Variants in GNL3L observed in about 807,000 individuals in gnomAD.
GNL3L encodes guanine nucleotide-binding protein-like 3-like protein.
In GNL3L, 4 loss-of-function variants were observed where a neutral mutation model predicts 42.9. The observed-to-expected ratio is 0.09, with a 90% CI of 0.05 to 0.21. The LOEUF (loss-of-function observed/expected upper bound fraction) is 0.21, where lower values mean the gene tolerates loss of function less well. GNL3L is among the 10% of genes least tolerant of loss of function. The probability of loss-of-function intolerance (pLI) is 1.00; values close to 1 mark genes in which losing one functional copy is unlikely to be tolerated. For synonymous variants in GNL3L, 159 were observed against 176.3 expected, an observed-to-expected ratio of 0.90 and a Z score of 0.78; for missense variants, 412 against 481.7, an observed-to-expected ratio of 0.86 and a Z score of 1.36.
At chrX:54,552,493 A>C in intron 13 of GNL3L, 65 bp downstream of exon 13, 1 of 1,073,585 alleles carries the variant, frequency 9.3e-7, no homozygotes, top group Non-Finnish European at 1.3e-6. Flanking sequence ...CCTGACAGCA[A>C]ATCCCACTTT....
At chrX:54,632,283 G>A in the GNL3L span, among the ~76,000 whole-genome samples, 2 of 111,597 alleles carry the variant, frequency 1.8e-5, no homozygotes, top group Non-Finnish European at 3.8e-5. Flanking sequence ...TTTCCCAAGT[G>A]TTCTTTGAGT....
rs202012678 is a variant in GNL3L at position 54,548,215 on chromosome X, A to AT, written c.631-5dup. 1.6e-4 allele frequency: 184 copies of AT among 1,173,332 alleles called. No individual in the cohort carries two copies. Among genetic ancestry groups the AT allele is most frequent in the Middle Eastern group, 2.4e-4 (1 of 4,116 alleles). The stretch of plus-strand genomic sequence containing the variant: ...CCTGATGTCTCTTCTGTGATATTCA[A>AT]TTTTTTTTTCCAGAATCGTTGCAGT... On this transcript the variant is annotated splice_polypyrimidine_tract_variant and intron_variant, in intron 8 of 15. Coordinates refer to ENST00000360845, the MANE Select transcript of GNL3L (RefSeq NM_001184819.2).
At chrX:54,532,106 A>G (rs1233239311) in intron 1 of GNL3L, among the ~76,000 whole-genome samples, 5 of 110,657 alleles carry the variant, frequency 4.5e-5, no homozygotes, top group Admixed American at 9.6e-5. Context: ...AAGAGGCACT[A>G]TTATCACCCC....
intron 16 of GNL3L, among the ~76,000 whole-genome samples, chrX:54,598,281 A>T (rs1925961643): frequency 9.0e-6 from 1 of 111,237 alleles, no homozygotes; most frequent in African/African-American, 3.3e-5. Context: ...ATTTTCTCTG[A>T]GGAGGAGTAT....
Position 54,619,912 on chromosome X carries a change from G to A in GNL3L, c.*46-933G>A, listed in dbSNP as rs749132986. The stretch of plus-strand genomic sequence containing the variant: ...TGCTGTTCACTAGCAGAAACATTAA[G>A]GCCCCAGGTTTTTTCCACCTTTCCA... On this transcript the variant is annotated intron_variant, in intron 16 of 16. Coordinates refer to the GNL3L transcript ENST00000674498. Among the ~76,000 whole-genome samples, 283 of 111,599 alleles carry A rather than the reference G, an allele frequency of 2.5e-3. 1 individual carries two copies. Among genetic ancestry groups the A allele is most frequent in the African/African-American group, 8.6e-3 (265 of 30,737 alleles).
chrX:54,602,144 A>G (rs1291147141), intron 16 of GNL3L, among the ~76,000 whole-genome samples: 1 of 111,384 alleles, frequency 9.0e-6, no homozygotes, highest in Non-Finnish European at 1.9e-5. Context: ...GTTTAAGTTT[A>G]TAAGGAACTG....
At chrX:54,548,179 C>G (rs1247118248) in intron 8 of GNL3L, 50 bp from the exon 9 acceptor site, 7 of 1,115,555 alleles carry the variant, frequency 6.3e-6, no homozygotes, top group Non-Finnish European at 8.6e-6. Flanking sequence ...GGGCTCAGAC[C>G]TCATCTGCCA....
In GNL3L at chrX:54,563,783, CAG is replaced by C. The variant is rs763496318; in HGVS notation, c.*3182_*3183del. On this transcript the variant is annotated 3_prime_UTR_variant, in exon 16 of 16. Transcript: ENST00000360845. ...CGTGGGCAACAGAGTGAGACTGTCT[CAG>C]GGGGAAAAAAAAAGAGGAAAACAAA... is the stretch of plus-strand genomic sequence containing the variant. Among the ~76,000 whole-genome samples, 74 of 109,910 alleles carry C rather than the reference CAG, an allele frequency of 6.7e-4. No individual in the cohort carries two copies. Among genetic ancestry groups the C allele is most frequent in the African/African-American group, 2.1e-3 (63 of 30,217 alleles).
the GNL3L span, among the ~76,000 whole-genome samples, chrX:54,630,174 C>G: frequency 9.2e-6 from 1 of 108,371 alleles, no homozygotes; most frequent in African/African-American, 3.4e-5. Context: ...CATTAATGGT[C>G]TATCAATTTT....
intron 14 of GNL3L, among the ~76,000 whole-genome samples, chrX:54,557,808 C>T (rs1337221730): frequency 9.0e-6 from 1 of 111,080 alleles, no homozygotes; most frequent in African/African-American, 3.3e-5. Flanking sequence ...TCTCAAACTC[C>T]TGGGCTCAAG....
intron 16 of GNL3L, among the ~76,000 whole-genome samples, chrX:54,613,785 T>C (rs1274813144): frequency 1.8e-5 from 2 of 110,658 alleles, no homozygotes; most frequent in Non-Finnish European, 3.8e-5. Context: ...CTCTCAGCTG[T>C]GTATACCAGC....
At chrX:54,536,809 AGAGG>A (rs1188272626) in intron 2 of GNL3L, among the ~76,000 whole-genome samples, 1,856 of 89,695 alleles carry the variant, frequency 0.021, 62 homozygotes, top group African/African-American at 0.072. Context: ...ACAGAGAGAG[AGAGG>A]GAGGGAGGGA....
intron 10 of GNL3L, among the ~76,000 whole-genome samples, chrX:54,551,272 C>T (rs1017232533): frequency 2.7e-5 from 3 of 112,439 alleles, no homozygotes; most frequent in Non-Finnish European, 5.6e-5. Context: ...TTCTGAATAA[C>T]GATGCAAGAT....
intron 16 of GNL3L, among the ~76,000 whole-genome samples, chrX:54,579,986 GTTTT>G (rs869217575): frequency 4.2e-5 from 2 of 47,680 alleles, no homozygotes; most frequent in African/African-American, 9.8e-5. Context: ...CCTAAAGTTT[GTTTT>G]TTTTTTTTTT....
chrX:54,576,044 A>G (rs1172168954), intron 16 of GNL3L, among the ~76,000 whole-genome samples: 1 of 112,402 alleles, frequency 8.9e-6, no homozygotes, highest in Non-Finnish European at 1.9e-5. Context: ...ATTAAGATCA[A>G]GTGGGTTGAT....
chrX:54,622,620 A>G (rs889096268), downstream of GNL3L, among the ~76,000 whole-genome samples: 1 of 110,551 alleles, frequency 9.0e-6, no homozygotes, highest in Non-Finnish European at 1.9e-5. Flanking sequence ...TGAATATTAA[A>G]CACTTATCAG....
chrX:54,557,722 C>G (rs1925139913), intron 14 of GNL3L, among the ~76,000 whole-genome samples: 2 of 110,821 alleles, frequency 1.8e-5, no homozygotes, highest in Admixed American at 1.9e-4. Flanking sequence ...GAGTGAGCCA[C>G]CATGCCCAGC....
At chrX:54,554,064 G>T (rs1205621281) in intron 13 of GNL3L, among the ~76,000 whole-genome samples, 1 of 111,111 alleles carries the variant, frequency 9.0e-6, no homozygotes. Context: ...CTTGAAGGGT[G>T]AGTAGGGATT....
intron 2 of GNL3L, among the ~76,000 whole-genome samples, chrX:54,534,178 G>T (rs987094775): frequency 2.1e-5 from 2 of 97,173 alleles, no homozygotes; most frequent in Non-Finnish European, 4.1e-5. Context: ...ACCACACCTG[G>T]TTTTTTTTTT....
Sources: gnomAD v4.1 joint callset for allele counts (sites outside exome capture counted in the v4.1 genomes callset) on GRCh38, gnomAD v4.1.1 for gene constraint, MANE v1.5 for transcripts, NCBI Gene and HGNC (gene_info 2026-07-23, HGNC 2026-07-21) for gene names.